The following KANK1 variants were observed in gnomAD, a reference collection of about 807,000 sequenced individuals.
The protein encoded by KANK1 is KN motif and ankyrin repeat domains 1.
In KANK1, 109 loss-of-function variants were observed where a neutral mutation model predicts 106.2. That is an observed-to-expected ratio of 1.03 (90% CI 0.88 to 1.20). KANK1 has a LOEUF of 1.20. KANK1 is among the 50% of genes most tolerant of loss of function. The pLI, the probability that KANK1 is intolerant of heterozygous loss-of-function variation, is 0.00. For missense variants in KANK1, 2,399 were observed against 1,710.7 expected, an observed-to-expected ratio of 1.40 and a Z score of -7.10; for synonymous variants, 873 against 652.2, an observed-to-expected ratio of 1.34 and a Z score of -5.16.
chr9:628,710 A>G (rs1834951353), intron 1 of KANK1, among the ~76,000 whole-genome samples: 3 of 152,092 alleles, frequency 2.0e-5, no homozygotes. Flanking sequence ...GCTCTTTGCC[A>G]TCCCTTTCTG....
intron 1 of KANK1, among the ~76,000 whole-genome samples, chr9:547,943 C>A (rs1423412385): frequency 6.6e-6 from 1 of 152,002 alleles, no homozygotes; most frequent in African/African-American, 2.4e-5. Context: ...GATCATCTGA[C>A]TTTTTTTTAT....
At chr9:518,062 C>T (rs981925408) in intron 1 of KANK1, among the ~76,000 whole-genome samples, 3 of 151,556 alleles carry the variant, frequency 2.0e-5, no homozygotes, top group Non-Finnish European at 4.4e-5. Flanking sequence ...TTAGCCATCC[C>T]CAAATGATCT....
At chr9:736,115 G>T (rs1049446517) in intron 7 of KANK1, among the ~76,000 whole-genome samples, 1 of 152,034 alleles carries the variant, frequency 6.6e-6, no homozygotes, top group Non-Finnish European at 1.5e-5. Context: ...CCACCACAAC[G>T]CCCGGCTAAT....
chr9:536,384 G>A (rs1286529057), intron 1 of KANK1, among the ~76,000 whole-genome samples: 2 of 152,100 alleles, frequency 1.3e-5, no homozygotes, highest in African/African-American at 4.8e-5. Flanking sequence ...TATTACAGTT[G>A]TGTAGATCAG....
chr9:648,042 C>G (rs1840083463), intron 1 of KANK1, among the ~76,000 whole-genome samples: 1 of 143,876 alleles, frequency 7.0e-6, no homozygotes, highest in African/African-American at 2.8e-5. Context: ...TGCTCTGTCG[C>G]CAGGCTGGAG....
intron 1 of KANK1, among the ~76,000 whole-genome samples, chr9:620,083 G>C (rs529905307): frequency 3.0e-4 from 45 of 151,596 alleles, no homozygotes; most frequent in African/African-American, 8.0e-4. Context: ...GTTGAGCCAA[G>C]ATCACACCAC....
At chr9:726,221 G>A (rs1398273511) in intron 3 of KANK1, among the ~76,000 whole-genome samples, 1 of 152,070 alleles carries the variant, frequency 6.6e-6, no homozygotes, top group African/African-American at 2.4e-5. Flanking sequence ...TACAAGGGGT[G>A]GAGAGGCCAG....
At chr9:583,236 A>C (rs1459187020) in intron 1 of KANK1, among the ~76,000 whole-genome samples, 1 of 152,166 alleles carries the variant, frequency 6.6e-6, no homozygotes, top group Non-Finnish European at 1.5e-5. Flanking sequence ...TAAAAATTAA[A>C]ATCTAACTAT....
chr9:583,982 G>A (rs1822817698), intron 1 of KANK1, among the ~76,000 whole-genome samples: 1 of 152,196 alleles, frequency 6.6e-6, no homozygotes, highest in African/African-American at 2.4e-5. Flanking sequence ...ATGTGCCACT[G>A]GGTCAAACAT....
In KANK1 at chr9:662,873, G is replaced by C. The variant is rs568069496; in HGVS notation, c.-83-14017G>C. Among the ~76,000 whole-genome samples the C allele has an allele frequency of 3.3e-5, 5 of 152,200 alleles. No individual in the cohort carries two copies. The East Asian group carries it at 9.7e-4, about 29-fold the overall frequency. On this transcript the variant is annotated intron_variant, in intron 1 of 11. Transcript: ENST00000382297. The stretch of plus-strand genomic sequence containing the variant: ...GATGGGGTTTCACCTTGTTGGCCAG[G>C]TTGGTCTCAAACTCCTGACCTCAGG...
intron 1 of KANK1, among the ~76,000 whole-genome samples, chr9:581,259 G>T (rs1822072432): frequency 6.6e-6 from 1 of 152,206 alleles, no homozygotes; most frequent in Non-Finnish European, 1.5e-5. Context: ...CTCAAGCACG[G>T]CCAGAGGGGG....
chr9:740,767 G>A, intron 8 of KANK1, 25 bp from the exon 9 acceptor site: 1 of 1,522,014 alleles, frequency 6.6e-7, no homozygotes, highest in Non-Finnish European at 8.9e-7. Flanking sequence ...CTTCCTAAGA[G>A]ACTTTTTTTT....
Position 661,872 on chromosome 9 carries a change from C to G in KANK1, c.-83-15018C>G, listed in dbSNP as rs1299639389. On this transcript the variant is annotated intron_variant, in intron 1 of 11. Coordinates refer to ENST00000382297, the MANE Select transcript of KANK1 (RefSeq NM_015158.5). Reference sequence around the variant, plus strand: ...GTTTTGATTTGCATTTCTCTGATGGCCAGTGATGATGAGCATTTTTTCATG... The same window carrying G: ...GTTTTGATTTGCATTTCTCTGATGGGCAGTGATGATGAGCATTTTTTCATG... Among the ~76,000 whole-genome samples, 8 of 86,666 alleles carry G rather than the reference C, an allele frequency of 9.2e-5. No homozygotes were observed. The East Asian group carries it at 3.8e-3, about 41-fold the overall frequency. The allele number at this position is 86,666 out of a possible 152,430, so 56.9% of individuals were successfully genotyped here. A position where few individuals can be genotyped will look rare whatever the true frequency, so the allele number is the denominator to read the frequency against.
intron 3 of KANK1, among the ~76,000 whole-genome samples, chr9:724,202 AT>A (rs1830095566): frequency 6.6e-6 from 1 of 152,100 alleles, no homozygotes; most frequent in Non-Finnish European, 1.5e-5. Context: ...AATGGTTTGC[AT>A]TTTTTAGAGT....
At chr9:699,614 A>C (rs1472135309) in intron 2 of KANK1, among the ~76,000 whole-genome samples, 1 of 152,224 alleles carries the variant, frequency 6.6e-6, no homozygotes, top group Non-Finnish European at 1.5e-5. Context: ...GCAAGACCAC[A>C]TTCTAACTTA....
At chr9:739,593 A>G (rs375790077) in intron 8 of KANK1, among the ~76,000 whole-genome samples, 85 of 152,364 alleles carry the variant, frequency 5.6e-4, no homozygotes, top group African/African-American at 1.9e-3. Context: ...TGATACAGTC[A>G]GCCAGAGTGA....
chr9:521,768 A>C (rs533936222), intron 1 of KANK1, among the ~76,000 whole-genome samples: 8 of 151,434 alleles, frequency 5.3e-5, no homozygotes, highest in African/African-American at 1.5e-4. Flanking sequence ...GGGTTTCACC[A>C]TGGTGGCCAG....
At chr9:530,824 A>G (rs1324194464) in intron 1 of KANK1, among the ~76,000 whole-genome samples, 1 of 152,072 alleles carries the variant, frequency 6.6e-6, no homozygotes, top group East Asian at 1.9e-4. Flanking sequence ...CTCTGTCTCT[A>G]TGAAAAATAC....
chr9:709,114 G>C (rs907343586), intron 2 of KANK1, among the ~76,000 whole-genome samples: 3 of 152,170 alleles, frequency 2.0e-5, no homozygotes, highest in African/African-American at 7.2e-5. Flanking sequence ...ACAAAACAAG[G>C]TGTTCCTGGG....
Sources: allele counts gnomAD v4.1 joint callset (sites outside exome capture counted in the v4.1 genomes callset), GRCh38; gene constraint gnomAD v4.1.1; transcripts MANE v1.5; gene names NCBI Gene and HGNC (gene_info 2026-07-23, HGNC 2026-07-21).